Variants in CRHR2 observed in about 807,000 individuals in gnomAD.
The protein encoded by CRHR2 is corticotropin-releasing hormone receptor 2.
In CRHR2, 53 loss-of-function variants were observed where a neutral mutation model predicts 57.9. The observed-to-expected ratio is 0.92, with a 90% CI of 0.73 to 1.15. The LOEUF (loss-of-function observed/expected upper bound fraction) is 1.15, where lower values mean the gene tolerates loss of function less well. CRHR2 is among the 50% of genes most tolerant of loss of function. CRHR2 has a pLI of 0.00. For missense variants in CRHR2, 532 were observed against 542.6 expected (o/e 0.98, Z 0.19); for synonymous variants, 213 against 220.9 (o/e 0.96, Z 0.32).
upstream of CRHR2, among the ~76,000 whole-genome samples, chr7:30,684,333 A>G (rs1248020752): frequency 5.3e-5 from 8 of 152,236 alleles, no homozygotes; most frequent in Admixed American, 4.6e-4. Context: ...CCCTTCACAC[A>G]GCACGGTGCA....
chr7:30,654,664 T>C, intron 11 of CRHR2: 3 of 1,532,758 alleles, frequency 2.0e-6, no homozygotes, highest in Non-Finnish European at 2.6e-6. Context: ...GGGAATGTGC[T>C]GGTCTCTCTT....
chr7:30,657,274 G>A (rs1049847741), intron 8 of CRHR2, among the ~76,000 whole-genome samples: 2 of 152,078 alleles, frequency 1.3e-5, no homozygotes, highest in Non-Finnish European at 2.9e-5. Context: ...ACAAGCTTTC[G>A]GGTAGCCCTA....
Position 30,653,802 on chromosome 7 carries a change from C to T in CRHR2, c.1096-202G>A, listed in dbSNP as rs1316736845. ...TTATCCTTTTCCTGGAGAAGCTTGA[C>T]TCCACACCTCCTTTACTCCACACTG... On this transcript the variant is annotated intron_variant, in intron 11 of 11. Coordinates refer to ENST00000471646, the MANE Select transcript of CRHR2 (RefSeq NM_001883.5). The surrounding 1 kb of genome is among the most constrained non-coding windows in gnomAD (Gnocchi z 5.0). 6.6e-6 allele frequency among the ~76,000 whole-genome samples: 1 copy of T among 152,162 alleles called. No homozygotes were observed. The highest frequency in any genetic ancestry group is 1.5e-5 in the Non-Finnish European group (1 of 68,030).
At position 30,652,746 on chromosome 7, in the gene CRHR2, C is replaced by G. The variant is rs1487129092; in HGVS notation, c.*714G>C. On this transcript the variant is annotated 3_prime_UTR_variant, in exon 12 of 12. Coordinates refer to ENST00000471646, the MANE Select transcript of CRHR2 (RefSeq NM_001883.5). This position sits in a 1 kb window ranked among gnomAD's most constrained non-coding sequence, Gnocchi z 4.4. ...TCCATGCCTCTGCTCCTCATTTTGC[C>G]CCGCACGATGCAACTGGTTGACTAA... 6.6e-6 allele frequency: 1 copy of G among 152,482 alleles called. No homozygotes were observed. The highest frequency in any genetic ancestry group is 1.5e-5 in the Non-Finnish European group (1 of 68,214). The allele number at this position is 152,482 out of a possible 1,614,324, so 9.4% of individuals were successfully genotyped here.
Position 30,665,443 on chromosome 7 carries a change from G to A in CRHR2, c.425+87C>T. ...GGGCCCTTTTATCTGCTGGGCCCCA[G>A]AATGGAGGTGAGAATGTCTGGGAGA... On this transcript the variant is annotated intron_variant, in intron 4 of 11. Transcript: ENST00000471646. This position sits in a 1 kb window ranked among gnomAD's most constrained non-coding sequence, Gnocchi z 4.5. 8.3e-7 allele frequency: 1 copy of A among 1,208,462 alleles called. No homozygotes were observed. The allele number at this position is 1,208,462 out of a possible 1,614,324, so 74.9% of individuals were successfully genotyped here.
upstream of CRHR2, among the ~76,000 whole-genome samples, chr7:30,683,323 C>G (rs963253658): frequency 6.6e-6 from 1 of 152,220 alleles, no homozygotes; most frequent in African/African-American, 2.4e-5. Context: ...TCACCTGACC[C>G]TGGTTTCCAC....
intron 10 of CRHR2, among the ~76,000 whole-genome samples, 171 bp from the exon 11 acceptor site, chr7:30,655,251 A>G (rs1435591170): frequency 6.6e-6 from 1 of 151,934 alleles, no homozygotes; most frequent in South Asian, 2.1e-4. Context: ...TCCACGGTCC[A>G]CTCTGAGTGA....
rs370911074 is a variant in CRHR2 at position 30,662,097 on chromosome 7, C to A, written c.758+59G>T. On this transcript the variant is annotated intron_variant, in intron 7 of 11. Coordinates refer to ENST00000471646, the MANE Select transcript of CRHR2 (RefSeq NM_001883.5). ...GGCTTGGCCAGAGCCCAAGGCTGAC[C>A]TGTCCTAACACCCCCATTCCCTTCC... is the stretch of plus-strand genomic sequence containing the variant. 3.8e-6 allele frequency: 6 copies of A among 1,584,890 alleles called. No individual in the cohort carries two copies. In the African/African-American group the frequency reaches 4.0e-5, roughly 11 times the overall value.
chr7:30,656,041 G>A lies in CRHR2; in HGVS notation c.832-29C>T, dbSNP rs773136627. On this transcript the variant is annotated intron_variant, in intron 8 of 11. Transcript: ENST00000471646. The surrounding 1 kb of genome is among the most constrained non-coding windows in gnomAD (Gnocchi z 4.4). ...GAGGGAGGGCGGGCATGGGAAAGAG[G>A]GAAAAGGAAGGAGCACGTGTTTGAG... 8.7e-6 allele frequency: 14 copies of A among 1,600,484 alleles called. No individual in the cohort carries two copies. Among genetic ancestry groups the A allele is most frequent in the Non-Finnish European group, 1.2e-5 (14 of 1,167,840 alleles).
intron 2 of CRHR2, chr7:30,688,928 C>A: frequency 1.7e-6 from 1 of 589,328 alleles, no homozygotes; most frequent in South Asian, 1.5e-5. Context: ...GAATGCCAGC[C>A]CAGCTGACTT....
At chr7:30,659,603 C>T (rs1783918742) in intron 8 of CRHR2, among the ~76,000 whole-genome samples, 1 of 152,194 alleles carries the variant, frequency 6.6e-6, no homozygotes, top group Admixed American at 6.5e-5. Flanking sequence ...GTGGAATTTC[C>T]AGCAGTGGGT....
At position 30,695,948 on chromosome 7, in the gene CRHR2, T is replaced by C. The variant is rs535747733; in HGVS notation, c.-261+3996A>G. 5.9e-5 allele frequency among the ~76,000 whole-genome samples: 9 copies of C among 152,290 alleles called. No individual in the cohort carries two copies. In the East Asian group the frequency reaches 1.7e-3, roughly 29 times the overall value. On this transcript the variant is annotated intron_variant, in intron 1 of 13. Coordinates refer to the CRHR2 transcript ENST00000341843. ...GGTAAAAATAGGTGAGGTGCATCAG[T>C]GCCCATGATAGGCCCTGTAGGGCTG...
rs1236419372 is a variant in CRHR2, at chr7:30,655,773, G to A, written c.918-58C>T. On this transcript the variant is annotated intron_variant, in intron 9 of 11. Coordinates refer to ENST00000471646, the MANE Select transcript of CRHR2 (RefSeq NM_001883.5). The stretch of plus-strand genomic sequence containing the variant: ...CATGCGGCAGGCAGGGCCTCACCCA[G>A]TGGGCGGCGGGAGACAGTGGTGGTG... 5.0e-6 allele frequency: 8 copies of A among 1,592,302 alleles called. No homozygotes were observed. The East Asian group carries it at 1.3e-4, about 27-fold the overall frequency.
At chr7:30,673,500 G>A (rs11973912) in intron 2 of CRHR2, among the ~76,000 whole-genome samples, 22,761 of 152,198 alleles carry the variant, frequency 0.15, 2,757 homozygotes, top group African/African-American at 0.34. Context: ...TTGCAGGCAT[G>A]AGCCACCATG....
rs1177303458 is a variant in CRHR2 at position 30,682,257 on chromosome 7, G to C, written c.24C>G (p.Ser8Arg). MDAALLH[S>R]LLEANCSLAL... is the part of the protein sequence containing the mutation. ...CCAGGCTGCAGTTGGCCTCCAGCAGGCTGTGGAGCAGTGCCGCGTCCATCG... is the reference window on the plus strand; with the variant it reads ...CCAGGCTGCAGTTGGCCTCCAGCAGCCTGTGGAGCAGTGCCGCGTCCATCG... The change falls in exon 1 of 12, where the codon AGC (serine) becomes AGG (arginine). Residue 8 changes from serine (S) to arginine (R), a missense_variant. Coordinates refer to ENST00000471646, the MANE Select transcript of CRHR2 (RefSeq NM_001883.5). 1 of 1,585,834 alleles carries C rather than the reference G, an allele frequency of 6.3e-7. No individual in the cohort carries two copies. The highest frequency in any genetic ancestry group is 8.5e-7 in the Non-Finnish European group (1 of 1,173,132).
chr7:30,665,920 G>A lies in CRHR2; in HGVS notation c.316-281C>T, dbSNP rs1004860711. Among the ~76,000 whole-genome samples, 1 of 152,122 alleles carries A rather than the reference G, an allele frequency of 6.6e-6. No individual in the cohort carries two copies. The highest frequency in any genetic ancestry group is 1.5e-5 in the Non-Finnish European group (1 of 68,026). The stretch of plus-strand genomic sequence containing the variant: ...GCTGGGGTCCAGTGGCTATTCACAG[G>A]TGTGATCACAGTGCACCGCAGCCTT... On this transcript the variant is annotated intron_variant, in intron 3 of 11. Transcript: ENST00000471646. The surrounding 1 kb of genome is among the most constrained non-coding windows in gnomAD (Gnocchi z 4.5).
chr7:30,671,827 TGA>T (rs1784366628), intron 2 of CRHR2, among the ~76,000 whole-genome samples: 5 of 147,586 alleles, frequency 3.4e-5, no homozygotes, highest in Non-Finnish European at 7.4e-5. Flanking sequence ...ATGATGATGA[TGA>T]TGATGATGAT....
intron 1 of CRHR2, 56 bp downstream of exon 1, chr7:30,682,122 C>G (rs2128148756): frequency 6.5e-7 from 1 of 1,535,046 alleles, no homozygotes; most frequent in East Asian, 2.5e-5. Flanking sequence ...CAGGGGCGCA[C>G]CCAGCGCGCG....
intron 11 of CRHR2, among the ~76,000 whole-genome samples, chr7:30,654,229 T>G (rs998596869): frequency 3.3e-5 from 5 of 152,254 alleles, no homozygotes; most frequent in Admixed American, 2.6e-4. Flanking sequence ...TCTCACATCC[T>G]AGCTTGCACA....
Sources: allele counts gnomAD v4.1 joint callset (sites outside exome capture counted in the v4.1 genomes callset), GRCh38; gene constraint gnomAD v4.1.1; non-coding constraint Gnocchi (gnomAD v3.1); transcripts MANE v1.5; gene names NCBI Gene and HGNC (gene_info 2026-07-23, HGNC 2026-07-21).